Variants in CADPS2 observed in about 807,000 individuals in gnomAD.
The protein encoded by CADPS2 is calcium-dependent secretion activator 2.
CADPS2 carries 93 observed loss-of-function variants against 172.5 expected under a neutral mutation model. That is an observed-to-expected ratio of 0.54 (90% CI 0.46 to 0.64). The LOEUF (loss-of-function observed/expected upper bound fraction) is 0.64. Among genes scored for constraint, CADPS2 ranks in the 30% least tolerant of loss-of-function variants. The pLI is 0.00. For missense variants in CADPS2, 1,420 were observed against 1,565.9 expected (o/e 0.91, Z 1.57); for synonymous variants, 546 against 555.2 (o/e 0.98, Z 0.23).
chr7:122,355,111 T>C (rs1490056877), intron 27 of CADPS2, among the ~76,000 whole-genome samples: 1 of 152,242 alleles, frequency 6.6e-6, no homozygotes, highest in Non-Finnish European at 1.5e-5. Context: ...TTATTATATT[T>C]AAATGGTTTG....
At chr7:122,829,092 T>C (rs867898756) in intron 1 of CADPS2, among the ~76,000 whole-genome samples, 45 of 152,292 alleles carry the variant, frequency 3.0e-4, no homozygotes, top group Middle Eastern at 3.4e-3. Flanking sequence ...CAAAATCAGA[T>C]ACCAAAAATA....
intron 2 of CADPS2, among the ~76,000 whole-genome samples, chr7:122,677,572 A>G (rs2082513928): frequency 6.6e-6 from 1 of 152,198 alleles, no homozygotes; most frequent in African/African-American, 2.4e-5. Flanking sequence ...GCTAAAATTT[A>G]TTTTAGGGAC....
At chr7:122,582,687 G>C (rs1021753907) in intron 6 of CADPS2, among the ~76,000 whole-genome samples, 2 of 151,982 alleles carry the variant, frequency 1.3e-5, no homozygotes, top group African/African-American at 2.4e-5. Flanking sequence ...CAGGCAATGT[G>C]GTTAACAGCC....
At chr7:122,629,410 C>A in intron 3 of CADPS2, 82 bp from the exon 4 acceptor site, 1 of 911,238 alleles carries the variant, frequency 1.1e-6, no homozygotes, top group Non-Finnish European at 1.6e-6. Context: ...GTCCCACAGA[C>A]TAAGGCAAAG....
chr7:122,757,454 GT>G lies in CADPS2; in HGVS notation c.340-20387del, dbSNP rs1188832473. ...CGAGCCACTGTGACCAGCCAGGAATGTTTTTTAAAGCATTCTGTACTACAAT... is the reference window on the plus strand; with the variant it reads ...CGAGCCACTGTGACCAGCCAGGAATGTTTTTAAAGCATTCTGTACTACAAT... On this transcript the variant is annotated intron_variant, in intron 1 of 29. Coordinates refer to ENST00000449022, the MANE Select transcript of CADPS2 (RefSeq NM_017954.11). Among the ~76,000 whole-genome samples, 14 of 152,206 alleles carry G rather than the reference GT, an allele frequency of 9.2e-5. No individual in the cohort carries two copies. In the East Asian group the frequency reaches 2.7e-3, roughly 29 times the overall value.
intron 7 of CADPS2, among the ~76,000 whole-genome samples, chr7:122,579,232 T>C (rs929171651): frequency 2.0e-5 from 3 of 151,864 alleles, no homozygotes; most frequent in Non-Finnish European, 4.4e-5. Context: ...CAGGAGACAT[T>C]TAGCAATGTC....
intron 6 of CADPS2, among the ~76,000 whole-genome samples, chr7:122,584,452 T>C (rs754836649): frequency 5.3e-5 from 8 of 151,982 alleles, no homozygotes; most frequent in Non-Finnish European, 7.4e-5. Context: ...TCATTCTTAA[T>C]GTTTTCTTTT....
chr7:122,500,328 C>A (rs376325610), intron 9 of CADPS2, among the ~76,000 whole-genome samples: 1 of 151,856 alleles, frequency 6.6e-6, no homozygotes, highest in Non-Finnish European at 1.5e-5. Context: ...TATTTTGGCA[C>A]GAAATTTATT....
intron 17 of CADPS2, chr7:122,420,838 A>T (rs1417472572): frequency 6.6e-6 from 1 of 152,178 alleles, no homozygotes; most frequent in Non-Finnish European, 1.5e-5. Context: ...GTTTTCTGTA[A>T]CACTCCTTGG....
chr7:122,701,150 G>GA (rs763743907), intron 2 of CADPS2, among the ~76,000 whole-genome samples: 22 of 151,504 alleles, frequency 1.5e-4, no homozygotes, highest in African/African-American at 3.1e-4. Flanking sequence ...GTAACTTGAA[G>GA]AAAAAAAAAT....
chr7:122,613,019 C>T (rs2074475674), intron 6 of CADPS2, among the ~76,000 whole-genome samples: 1 of 152,076 alleles, frequency 6.6e-6, no homozygotes, highest in South Asian at 2.1e-4. Flanking sequence ...TGGACTCTTA[C>T]ATTACACCAT....
At chr7:122,451,862 C>T (rs2053165065) in intron 14 of CADPS2, among the ~76,000 whole-genome samples, 1 of 152,118 alleles carries the variant, frequency 6.6e-6, no homozygotes, top group Admixed American at 6.6e-5. Context: ...AATGTCTTAA[C>T]TGGTTCTCTT....
At chr7:122,702,061 T>A (rs1230092312) in intron 2 of CADPS2, 1 of 1,613,614 alleles carries the variant, frequency 6.2e-7, no homozygotes, top group Admixed American at 1.7e-5. Flanking sequence ...TCTTCACATC[T>A]GTCTTTATTT....
chr7:122,794,754 A>T (rs1252201616), intron 1 of CADPS2, among the ~76,000 whole-genome samples: 29 of 147,070 alleles, frequency 2.0e-4, no homozygotes, highest in African/African-American at 7.2e-4. Context: ...AATCATTTTA[A>T]AAAAAAAAAA....
chr7:122,854,085 C>G (rs1040135039), intron 1 of CADPS2, among the ~76,000 whole-genome samples: 15 of 152,164 alleles, frequency 9.9e-5, no homozygotes, highest in African/African-American at 3.6e-4. Context: ...CTTAGCTGGG[C>G]GTGGTGGCTC....
intron 17 of CADPS2, among the ~76,000 whole-genome samples, chr7:122,421,406 A>G (rs576178001): frequency 6.6e-6 from 1 of 152,320 alleles, no homozygotes; most frequent in East Asian, 1.9e-4. Flanking sequence ...GGACTATGGA[A>G]ATAATTCCAT....
At chr7:122,458,820 A>G (rs1332085612) in intron 14 of CADPS2, among the ~76,000 whole-genome samples, 2 of 152,156 alleles carry the variant, frequency 1.3e-5, no homozygotes, top group East Asian at 3.9e-4. Flanking sequence ...CCAAACTGAA[A>G]TCACTGCTGT....
chr7:122,595,942 C>T (rs1183653028), intron 6 of CADPS2, among the ~76,000 whole-genome samples: 1 of 152,050 alleles, frequency 6.6e-6, no homozygotes, highest in Non-Finnish European at 1.5e-5. Context: ...GGGCTCAAAA[C>T]CAGCCCCAGG....
chr7:122,451,366 AT>A lies in CADPS2; in HGVS notation c.2288+7del, dbSNP rs766676181. On this transcript the variant is annotated splice_region_variant and intron_variant, in intron 15 of 29. Transcript: ENST00000449022. ...AAGAAATATTTATATTAATAAAAAA[AT>A]ATATACCTGAAATGGCTTATCTGAT... 44 of 1,363,994 alleles carry A rather than the reference AT, an allele frequency of 3.2e-5. No individual in the cohort carries two copies. The East Asian group carries it at 4.1e-4, about 13-fold the overall frequency. 84.5% of individuals were successfully genotyped at this position (1,363,994 alleles called of 1,614,324 possible). A position where few individuals can be genotyped will look rare whatever the true frequency, so the allele number is the denominator to read the frequency against.
Sources: allele counts gnomAD v4.1 joint callset (sites outside exome capture counted in the v4.1 genomes callset), GRCh38; gene constraint gnomAD v4.1.1; transcripts MANE v1.5; gene names NCBI Gene and HGNC (gene_info 2026-07-23, HGNC 2026-07-21).